VAV2: variants seen among roughly 807,000 people sequenced by gnomAD.
VAV2 encodes vav guanine nucleotide exchange factor 2.
In VAV2, 67 loss-of-function variants were observed where a neutral mutation model predicts 132.5. The ratio of observed to expected loss-of-function variants is 0.51; its 90% CI spans 0.42 to 0.62. The LOEUF is 0.62. VAV2 is among the 20% of genes least tolerant of loss of function. The probability of loss-of-function intolerance (pLI) is 0.00; values close to 1 mark genes in which losing one functional copy is unlikely to be tolerated. For synonymous variants in VAV2, 492 were observed against 443.5 expected (o/e 1.11, Z -1.37); for missense variants, 938 against 1,153.6 (o/e 0.81, Z 2.71).
chr9:133,773,715 C>T (rs534638472), intron 25 of VAV2, among the ~76,000 whole-genome samples: 37 of 152,188 alleles, frequency 2.4e-4, no homozygotes, highest in African/African-American at 7.7e-4. Context: ...TCCTGAAGGA[C>T]GTGCCTGAGG....
In VAV2 at chr9:133,802,669, G is replaced by T. The variant is rs536845302; in HGVS notation, c.836+3412C>A. Among the ~76,000 whole-genome samples, 1 of 152,142 alleles carries T rather than the reference G, an allele frequency of 6.6e-6. No individual in the cohort carries two copies. On this transcript the variant is annotated intron_variant, in intron 9 of 29. Coordinates refer to ENST00000371850, the MANE Select transcript of VAV2 (RefSeq NM_001134398.2). This position sits in a 1 kb window ranked among gnomAD's most constrained non-coding sequence, Gnocchi z 5.8. ...TCATGTTTTTTAACTTTCTGAGTAC[G>T]TCAAATTCTGAACCCACCACACGGT...
At position 133,833,756 on chromosome 9, in the gene VAV2, G is replaced by T. The variant is rs565612024; in HGVS notation, c.449+516C>A. On this transcript the variant is annotated intron_variant, in intron 4 of 29. Coordinates refer to ENST00000371850, the MANE Select transcript of VAV2 (RefSeq NM_001134398.2). The surrounding 1 kb of genome is among the most constrained non-coding windows in gnomAD (Gnocchi z 5.6). The stretch of plus-strand genomic sequence containing the variant: ...AGAGGCCTCTCAGAGAGAGGAATGA[G>T]GTGGACACGGAGAAGAGCAGAGGCG... Among the ~76,000 whole-genome samples the T allele has an allele frequency of 4.0e-4, 61 of 152,292 alleles. No individual in the cohort carries two copies. Among genetic ancestry groups the T allele is most frequent in the African/African-American group, 1.4e-3 (59 of 41,578 alleles).
intron 3 of VAV2, among the ~76,000 whole-genome samples, chr9:133,860,821 A>G (rs938568524): frequency 1.3e-5 from 2 of 152,168 alleles, no homozygotes; most frequent in Non-Finnish European, 2.9e-5. Flanking sequence ...CAGACGCCCA[A>G]GTGCCCCATC....
At chr9:133,955,961 G>GAACTCTC (rs1841763112) in intron 1 of VAV2, among the ~76,000 whole-genome samples, 1 of 150,642 alleles carries the variant, frequency 6.6e-6, no homozygotes, top group African/African-American at 2.4e-5. Flanking sequence ...CCGCTCCGGG[G>GAACTCTC]AGCTCTCAGA....
At chr9:133,909,770 C>T (rs1184632734) in intron 2 of VAV2, among the ~76,000 whole-genome samples, 1 of 152,214 alleles carries the variant, frequency 6.6e-6, no homozygotes, top group Non-Finnish European at 1.5e-5. Flanking sequence ...TTGGAAACTG[C>T]GCCTGAGGAT....
At chr9:133,920,095 C>T (rs1022075691) in intron 2 of VAV2, among the ~76,000 whole-genome samples, 1 of 152,194 alleles carries the variant, frequency 6.6e-6, no homozygotes, top group African/African-American at 2.4e-5. Flanking sequence ...TACCGCACAC[C>T]GAGAACCAGG....
At chr9:133,793,513 A>G (rs1257190737) in intron 12 of VAV2, among the ~76,000 whole-genome samples, 1 of 152,164 alleles carries the variant, frequency 6.6e-6, no homozygotes, top group African/African-American at 2.4e-5. Context: ...AATAAGGAAT[A>G]AATTCCCAGA....
chr9:133,817,483 T>A (rs1056167680), intron 4 of VAV2, among the ~76,000 whole-genome samples: 1 of 152,152 alleles, frequency 6.6e-6, no homozygotes, highest in Non-Finnish European at 1.5e-5. Flanking sequence ...TGAAACCCCA[T>A]CTCTACTAAA....
At chr9:133,925,083 G>A (rs1369059823) in intron 2 of VAV2, among the ~76,000 whole-genome samples, 2 of 152,226 alleles carry the variant, frequency 1.3e-5, no homozygotes, top group Non-Finnish European at 2.9e-5. Context: ...GAGGAAATGG[G>A]ATTTTGTTTC....
intron 2 of VAV2, among the ~76,000 whole-genome samples, chr9:133,867,100 G>T (rs886348515): frequency 6.6e-6 from 1 of 152,110 alleles, no homozygotes; most frequent in African/African-American, 2.4e-5. Flanking sequence ...ACACAACACC[G>T]CCCGTGAGTG....
chr9:133,817,378 C>T (rs1045047789), intron 4 of VAV2, among the ~76,000 whole-genome samples: 1 of 152,174 alleles, frequency 6.6e-6, no homozygotes, highest in South Asian at 2.1e-4. Flanking sequence ...TCCAGCCTGG[C>T]GTGGTGGCGC....
intron 2 of VAV2, among the ~76,000 whole-genome samples, chr9:133,909,856 G>A (rs546471141): frequency 1.1e-4 from 16 of 152,124 alleles, no homozygotes; most frequent in Non-Finnish European, 2.1e-4. Flanking sequence ...TTCTTTATGT[G>A]TGCCAAGAAG....
At chr9:133,904,740 T>A (rs192105315) in intron 2 of VAV2, among the ~76,000 whole-genome samples, 7 of 152,336 alleles carry the variant, frequency 4.6e-5, no homozygotes, top group African/African-American at 1.7e-4. Flanking sequence ...ACCACTACTG[T>A]CCAAGCTGCT....
chr9:133,908,373 G>A (rs760596533), intron 2 of VAV2, among the ~76,000 whole-genome samples: 2 of 151,988 alleles, frequency 1.3e-5, no homozygotes, highest in African/African-American at 2.4e-5. Context: ...CCCCCCATGC[G>A]AGGCCAGTGG....
At chr9:133,989,519 CA>C (rs766612017) in intron 1 of VAV2, among the ~76,000 whole-genome samples, 1,080 of 75,772 alleles carry the variant, frequency 0.014, 9 homozygotes, top group African/African-American at 0.045. Context: ...GACTCTATCT[CA>C]AAAAAAAAAA....
chr9:133,876,692 A>G (rs1838280469), intron 2 of VAV2, among the ~76,000 whole-genome samples: 1 of 152,178 alleles, frequency 6.6e-6, no homozygotes, highest in Non-Finnish European at 1.5e-5. Context: ...GGCGGCCCCA[A>G]GGAGTCTTCT....
chr9:133,882,344 A>G (rs1838531560), intron 2 of VAV2, among the ~76,000 whole-genome samples: 1 of 152,240 alleles, frequency 6.6e-6, no homozygotes, highest in Admixed American at 6.5e-5. Flanking sequence ...CCTGGCCCGA[A>G]CATGCTGCCG....
At chr9:133,809,163 C>A in intron 6 of VAV2, 25 bp from the exon 7 acceptor site, 7 of 1,608,154 alleles carry the variant, frequency 4.4e-6, no homozygotes, top group Non-Finnish European at 6.0e-6. Flanking sequence ...GGGGAGTCAG[C>A]AGGACCCCAT....
intron 4 of VAV2, among the ~76,000 whole-genome samples, chr9:133,829,209 C>T (rs566666461): frequency 6.6e-5 from 10 of 152,352 alleles, no homozygotes; most frequent in African/African-American, 1.9e-4. Context: ...TAAAAACAGG[C>T]CCTCCATTTG....
Sources: allele counts gnomAD v4.1 joint callset (sites outside exome capture counted in the v4.1 genomes callset), GRCh38; gene constraint gnomAD v4.1.1; non-coding constraint Gnocchi (gnomAD v3.1); transcripts MANE v1.5; gene names NCBI Gene and HGNC (gene_info 2026-07-23, HGNC 2026-07-21).